Variants in C1orf21 observed in about 807,000 individuals in gnomAD.
C1orf21 encodes uncharacterized protein C1orf21.
C1orf21 carries 3 observed loss-of-function variants against 18.7 expected under a neutral mutation model. That is an observed-to-expected ratio of 0.16 (90% CI 0.07 to 0.42). The LOEUF is 0.42. Among genes scored for constraint, C1orf21 ranks in the 10% least tolerant of loss-of-function variants. The pLI, the probability that C1orf21 is intolerant of heterozygous loss-of-function variation, is 0.99. For missense variants in C1orf21, 104 were observed against 143.6 expected, an observed-to-expected ratio of 0.72 and a Z score of 1.41; for synonymous variants, 41 against 46.4, an observed-to-expected ratio of 0.88 and a Z score of 0.47.
At chr1:184,489,295 G>A (rs958204050) in intron 2 of C1orf21, among the ~76,000 whole-genome samples, 1 of 152,000 alleles carries the variant, frequency 6.6e-6, no homozygotes, top group African/African-American at 2.4e-5. Context: ...TCATGGCCAG[G>A]CAATTCAAAA....
At chr1:184,497,318 G>A (rs1657907454) in intron 2 of C1orf21, among the ~76,000 whole-genome samples, 1 of 152,208 alleles carries the variant, frequency 6.6e-6, no homozygotes, top group Non-Finnish European at 1.5e-5. Flanking sequence ...CTTTGTTGTT[G>A]TCAGAACACA....
chr1:184,392,056 T>C (rs1655978028), intron 1 of C1orf21, among the ~76,000 whole-genome samples: 1 of 152,172 alleles, frequency 6.6e-6, no homozygotes, highest in South Asian at 2.1e-4. Flanking sequence ...TTGGAATAGA[T>C]ATAATTTCTG....
intron 3 of C1orf21, among the ~76,000 whole-genome samples, chr1:184,520,482 A>G (rs570864890): frequency 3.3e-5 from 5 of 152,200 alleles, no homozygotes; most frequent in Non-Finnish European, 7.3e-5. Flanking sequence ...TCTCCTGAGT[A>G]TGAGGCACAA....
At chr1:184,490,929 GA>G (rs199789528) in intron 2 of C1orf21, among the ~76,000 whole-genome samples, 1,887 of 141,556 alleles carry the variant, frequency 0.013, 17 homozygotes, top group African/African-American at 0.015. Flanking sequence ...GAAGTTTTGT[GA>G]AAAAAAAAAA....
At chr1:184,394,813 T>C (rs1409068649) in intron 1 of C1orf21, among the ~76,000 whole-genome samples, 1 of 152,184 alleles carries the variant, frequency 6.6e-6, no homozygotes, top group Non-Finnish European at 1.5e-5. Flanking sequence ...CATTATATGT[T>C]TCAGGTGGAT....
intron 3 of C1orf21, among the ~76,000 whole-genome samples, chr1:184,547,064 C>T (rs1373976074): frequency 6.6e-6 from 1 of 151,422 alleles, no homozygotes; most frequent in East Asian, 1.9e-4. Context: ...CATCAAGAGC[C>T]TTTCAGGCAG....
chr1:184,565,207 C>G (rs1659019357), intron 3 of C1orf21, among the ~76,000 whole-genome samples: 1 of 152,150 alleles, frequency 6.6e-6, no homozygotes, highest in South Asian at 2.1e-4. Context: ...AAATTTAGAA[C>G]AGAACAATAT....
intron 3 of C1orf21, among the ~76,000 whole-genome samples, chr1:184,520,557 A>T (rs1437807519): frequency 6.6e-6 from 1 of 152,204 alleles, no homozygotes; most frequent in African/African-American, 2.4e-5. Context: ...TCTCATTCTA[A>T]TGATTCACAG....
intron 3 of C1orf21, among the ~76,000 whole-genome samples, chr1:184,576,120 ACTTTTTTTTT>A (rs1461375682): frequency 1.3e-5 from 2 of 149,072 alleles, no homozygotes; most frequent in Non-Finnish European, 3.0e-5. Context: ...AGTTTCTGTC[ACTTTTTTTTT>A]CTTTTTTTTT....
At chr1:184,500,912 G>T (rs1391794687) in intron 2 of C1orf21, among the ~76,000 whole-genome samples, 1 of 152,174 alleles carries the variant, frequency 6.6e-6, no homozygotes, top group African/African-American at 2.4e-5. Context: ...CCCCCCGGCA[G>T]CTGACCCTTC....
At chr1:184,416,784 G>A (rs191996808) in intron 1 of C1orf21, among the ~76,000 whole-genome samples, 11 of 152,274 alleles carry the variant, frequency 7.2e-5, no homozygotes, top group African/African-American at 2.4e-4. Flanking sequence ...CACAGACTTC[G>A]GAGGCAGCTC....
At chr1:184,417,218 G>A (rs1408516375) in intron 1 of C1orf21, among the ~76,000 whole-genome samples, 1 of 152,130 alleles carries the variant, frequency 6.6e-6, no homozygotes, top group African/African-American at 2.4e-5. Context: ...TACTGTCAGA[G>A]CCCTTTTCAG....
chr1:184,566,652 T>G, intron 3 of C1orf21: 1 of 397,810 alleles, frequency 2.5e-6, no homozygotes, highest in South Asian at 2.2e-5. Context: ...GGGCATAGTA[T>G]GTAAGGGAAA....
Position 184,628,307 on chromosome 1 carries a change from C to T in C1orf21, c.*8751C>T, listed in dbSNP as rs1204287148. On this transcript the variant is annotated 3_prime_UTR_variant, in exon 6 of 6. Transcript: ENST00000235307. ...AAGCATATATCCCTTTACTTTTGTA[C>T]TACTATATTAGGCACATTATAAAAA... is the stretch of plus-strand genomic sequence containing the variant. The T allele has an allele frequency of 3.3e-5, 5 of 152,308 alleles. No individual in the cohort carries two copies. The highest frequency in any genetic ancestry group is 1.5e-5 in the Non-Finnish European group (1 of 68,028). 9.4% of individuals were successfully genotyped at this position (152,308 alleles called of 1,614,324 possible).
intron 3 of C1orf21, among the ~76,000 whole-genome samples, chr1:184,547,210 G>T (rs202138463): frequency 6.6e-6 from 1 of 152,082 alleles, no homozygotes; most frequent in East Asian, 1.9e-4. Context: ...GACCATGCAG[G>T]GCAGGACCTC....
intron 3 of C1orf21, among the ~76,000 whole-genome samples, chr1:184,555,169 C>T (rs1438175051): frequency 6.6e-6 from 1 of 152,206 alleles, no homozygotes; most frequent in Admixed American, 6.5e-5. Context: ...TATAACTAGC[C>T]CTCATTTTCA....
At chr1:184,411,665 G>A (rs899076647) in intron 1 of C1orf21, among the ~76,000 whole-genome samples, 1 of 151,932 alleles carries the variant, frequency 6.6e-6, no homozygotes, top group African/African-American at 2.4e-5. Flanking sequence ...CTCGTGATCC[G>A]CCCGCCTTGG....
intron 5 of C1orf21, among the ~76,000 whole-genome samples, chr1:184,612,652 G>A (rs559798552): frequency 1.3e-5 from 2 of 152,152 alleles, no homozygotes; most frequent in Admixed American, 1.3e-4. Context: ...CTGCACTCCA[G>A]CCTGGGCAAC....
chr1:184,586,588 C>G (rs1659357528), intron 3 of C1orf21, among the ~76,000 whole-genome samples: 1 of 152,090 alleles, frequency 6.6e-6, no homozygotes, highest in East Asian at 1.9e-4. Context: ...CGGCCTTGTC[C>G]ACTTTTTAAT....
Sources: allele counts gnomAD v4.1 joint callset (sites outside exome capture counted in the v4.1 genomes callset), GRCh38; gene constraint gnomAD v4.1.1; transcripts MANE v1.5; gene names NCBI Gene and HGNC (gene_info 2026-07-23, HGNC 2026-07-21).